RFFL: variants seen among roughly 807,000 people sequenced by gnomAD.
RFFL encodes E3 ubiquitin-protein ligase rififylin.
In RFFL, 16 loss-of-function variants were observed where a neutral mutation model predicts 40.4. The ratio of observed to expected loss-of-function variants is 0.40; its 90% CI spans 0.27 to 0.60. The LOEUF is 0.60. Among genes scored for constraint, RFFL ranks in the 20% least tolerant of loss-of-function variants. The pLI is 0.47. For missense variants in RFFL, 367 were observed against 451.7 expected (o/e 0.81, Z 1.70); for synonymous variants, 154 against 167.9 (o/e 0.92, Z 0.64).
intron 1 of RFFL, among the ~76,000 whole-genome samples, chr17:35,031,736 C>G (rs1567705294): frequency 6.6e-6 from 1 of 151,880 alleles, no homozygotes; most frequent in Non-Finnish European, 1.5e-5. Context: ...GGGACTTTAC[C>G]AGAAAGTCAA....
intron 1 of RFFL, among the ~76,000 whole-genome samples, chr17:35,027,719 C>G (rs148476379): frequency 8.5e-6 from 1 of 118,332 alleles, no homozygotes; most frequent in Admixed American, 1.0e-4. Context: ...AGTGAAACTC[C>G]GTCTCAAAAA....
At chr17:35,068,062 C>A (rs972567872), upstream of RFFL, among the ~76,000 whole-genome samples, 3 of 152,198 alleles carry the variant, frequency 2.0e-5, no homozygotes, top group Non-Finnish European at 4.4e-5. Flanking sequence ...GAGACATTTT[C>A]ACACCTGGAT....
At chr17:35,061,173 C>A (rs189529419) in intron 1 of RFFL, among the ~76,000 whole-genome samples, 5 of 152,184 alleles carry the variant, frequency 3.3e-5, no homozygotes, top group African/African-American at 1.2e-4. Context: ...AAACAGGGAA[C>A]AAATGGCACC....
At chr17:35,043,788 T>C (rs929886358) in intron 1 of RFFL, among the ~76,000 whole-genome samples, 3 of 152,184 alleles carry the variant, frequency 2.0e-5, no homozygotes, top group Non-Finnish European at 4.4e-5. Context: ...ACAATAATCC[T>C]ACAAAAATCA....
intron 1 of RFFL, among the ~76,000 whole-genome samples, chr17:35,055,415 G>T (rs2091254738): frequency 2.0e-5 from 3 of 151,896 alleles, no homozygotes; most frequent in Admixed American, 2.0e-4. Context: ...TGGCTCACCT[G>T]TAATCCCAGC....
chr17:35,028,096 A>G (rs1410978980), intron 1 of RFFL, among the ~76,000 whole-genome samples: 2 of 151,918 alleles, frequency 1.3e-5, no homozygotes, highest in African/African-American at 2.4e-5. Context: ...GCACTTTGGG[A>G]AGCCAAGGTG....
At chr17:35,081,044 A>C (rs1457764794) in intron 1 of RFFL, among the ~76,000 whole-genome samples, 2 of 152,234 alleles carry the variant, frequency 1.3e-5, no homozygotes, top group African/African-American at 4.8e-5. Flanking sequence ...CGGTAGTAGC[A>C]GTTGAAAAAC....
chr17:35,029,707 ATACTT>A (rs2091069566), intron 1 of RFFL, among the ~76,000 whole-genome samples: 1 of 150,884 alleles, frequency 6.6e-6, no homozygotes, highest in Admixed American at 6.6e-5. Flanking sequence ...TTTTATTATT[ATACTT>A]TAAGTTTTAG....
intron 2 of RFFL, 21 bp from the exon 3 acceptor site, chr17:35,021,802 A>G: frequency 6.2e-7 from 1 of 1,613,716 alleles, no homozygotes; most frequent in Non-Finnish European, 8.5e-7. Context: ...CAAAAGACAC[A>G]GGAAACCATG....
chr17:35,024,054 G>A (rs1235620966), intron 2 of RFFL, among the ~76,000 whole-genome samples: 6 of 152,212 alleles, frequency 3.9e-5, no homozygotes, highest in Admixed American at 3.9e-4. Flanking sequence ...CAGGTAGCAT[G>A]AAAGATGAAT....
At chr17:35,062,454 C>T (rs1009568524) in intron 1 of RFFL, among the ~76,000 whole-genome samples, 1 of 152,104 alleles carries the variant, frequency 6.6e-6, no homozygotes, top group African/African-American at 2.4e-5. Context: ...AAGTACAGTA[C>T]AGGCTCTTGC....
At chr17:35,086,520 ATCTT>A (rs1213082421) in intron 1 of RFFL, among the ~76,000 whole-genome samples, 1 of 152,004 alleles carries the variant, frequency 6.6e-6, no homozygotes. Context: ...AATTGCCAAA[ATCTT>A]TCTTACACAA....
chr17:35,047,967 G>A (rs1449994773), intron 1 of RFFL, among the ~76,000 whole-genome samples: 1 of 151,730 alleles, frequency 6.6e-6, no homozygotes, highest in African/African-American at 2.4e-5. Context: ...GGCCAGGCTG[G>A]TCTCGAACTC....
upstream of RFFL, among the ~76,000 whole-genome samples, chr17:35,067,735 G>A (rs576260896): frequency 6.6e-6 from 1 of 152,198 alleles, no homozygotes; most frequent in Admixed American, 6.5e-5. Context: ...GATTATAGGT[G>A]TGAGCCACTG....
rs2090925747 is a variant in RFFL at position 35,009,989 on chromosome 17, T to C, written c.*1979A>G. 6.5e-6 allele frequency: 1 copy of C among 152,776 alleles called. No individual in the cohort carries two copies. Among genetic ancestry groups the C allele is most frequent in the Non-Finnish European group, 1.5e-5 (1 of 68,030 alleles). 9.5% of individuals were successfully genotyped at this position (152,776 alleles called of 1,614,324 possible). On this transcript the variant is annotated 3_prime_UTR_variant, in exon 7 of 7. Transcript: ENST00000394597. ...GGGATGTCTTCATGAGCAAATCTGA[T>C]TCCCCCAACTCCTGCAAAGGCTGTG...
chr17:35,062,561 G>A (rs548671480), intron 1 of RFFL, among the ~76,000 whole-genome samples: 56 of 152,274 alleles, frequency 3.7e-4, no homozygotes, highest in African/African-American at 1.3e-3. Context: ...TATGATTGGA[G>A]TAAATACCAG....
rs766503295 is a variant in RFFL, at chr17:35,016,352, A to G, written c.886+18T>C. The G allele has an allele frequency of 6.2e-7, 1 of 1,607,348 alleles. No homozygotes were observed. The highest frequency in any genetic ancestry group is 8.5e-7 in the Non-Finnish European group (1 of 1,173,940). On this transcript the variant is annotated intron_variant, in intron 5 of 6. Coordinates refer to ENST00000394597, the MANE Select transcript of RFFL (RefSeq NM_001017368.2). ...CACTCCTGAGCTCTGTAAAGCTACC[A>G]TGCAGATAGCCCCTCACCCAGGTGC...
At chr17:35,068,790 T>TGGA (rs776498714) in intron 1 of RFFL, among the ~76,000 whole-genome samples, 3 of 151,920 alleles carry the variant, frequency 2.0e-5, no homozygotes, top group East Asian at 1.9e-4. Context: ...GAGGACCCGA[T>TGGA]GGAGGAGGAG....
intron 1 of RFFL, among the ~76,000 whole-genome samples, chr17:35,032,760 C>T (rs901944555): frequency 2.6e-5 from 4 of 151,932 alleles, no homozygotes; most frequent in East Asian, 1.9e-4. Context: ...AAAACCACAT[C>T]TATAGGGCAA....
Sources: allele counts gnomAD v4.1 joint callset (sites outside exome capture counted in the v4.1 genomes callset), GRCh38; gene constraint gnomAD v4.1.1; transcripts MANE v1.5; gene names NCBI Gene and HGNC (gene_info 2026-07-23, HGNC 2026-07-21).